Variants in ARR3 observed in about 807,000 individuals in gnomAD.
The protein encoded by ARR3 is arrestin-C.
A neutral mutation model predicts 35.4 loss-of-function variants in ARR3; 14 were observed. The ratio of observed to expected loss-of-function variants is 0.40; its 90% CI spans 0.26 to 0.62. The LOEUF (loss-of-function observed/expected upper bound fraction) is 0.62, where lower values mean the gene tolerates loss of function less well. Among genes scored for constraint, ARR3 ranks in the 20% least tolerant of loss-of-function variants. ARR3 has a pLI of 0.46. For missense variants in ARR3, 259 were observed against 303.8 expected (o/e 0.85, Z 1.10); for synonymous variants, 97 against 119.1 (o/e 0.81, Z 1.21).
intron 5 of ARR3, among the ~76,000 whole-genome samples, chrX:70,273,554 C>T (rs1178445015): frequency 8.9e-6 from 1 of 112,089 alleles, no homozygotes; most frequent in African/African-American, 3.2e-5. Flanking sequence ...CAGCTCCTCA[C>T]AACTGTCCTA....
At chrX:70,278,195 G>T in intron 11 of ARR3, 57 bp downstream of exon 11, 3 of 1,079,023 alleles carry the variant, frequency 2.8e-6, no homozygotes, top group Non-Finnish European at 3.8e-6. Context: ...GTGGGAAGAG[G>T]TCCAGGAGGC....
Position 70,276,151 on chromosome X carries a change from G to A in ARR3, c.215G>A (p.Arg72Gln), listed in dbSNP as rs778493881. 1.6e-5 allele frequency: 19 copies of A among 1,209,917 alleles called. No individual in the cohort carries two copies. In the Admixed American group the frequency reaches 3.3e-4, roughly 21 times the overall value. The change falls in exon 6 of 17, where the codon CGA becomes CAA. Residue 72 changes from arginine to glutamine, a missense_variant. Coordinates refer to ENST00000307959, the MANE Select transcript of ARR3 (RefSeq NM_004312.3). ...DDLEVIGLTF[R>Q]KDLYVQTLQV... is the part of the protein sequence containing the mutation. ...TTGGAAGTGATTGGTCTGACGTTCC[G>A]AAAAGATCTGTATGTGCAGACCCTG... is the stretch of plus-strand genomic sequence containing the variant.
Position 70,281,695 on chromosome X carries a change from G to A in ARR3, c.1096G>A (p.Glu366Lys), listed in dbSNP as rs760645362. The A allele has an allele frequency of 5.1e-6, 6 of 1,186,316 alleles. No individual in the cohort carries two copies. In the South Asian group the frequency reaches 9.3e-5, roughly 18 times the overall value. The change falls in exon 17 of 17, where the codon GAG (glutamate) becomes AAG (lysine). Residue 366 changes from glutamate (E) to lysine (K), a missense_variant. Glu to Lys is a moderately conservative substitution (Grantham distance 56). Coordinates refer to ENST00000307959, the MANE Select transcript of ARR3 (RefSeq NM_004312.3). ...TGCAAGCTCTGAGGACATAGTCATC[G>A]AGGAGTTTACGCGGAAAGGCGAGGA... ...EAASSEDIVI[E>K]EFTRKGEEES...
chrX:70,278,888 T>C (rs980748174), intron 12 of ARR3, among the ~76,000 whole-genome samples: 1 of 112,832 alleles, frequency 8.9e-6, no homozygotes, highest in Non-Finnish European at 1.9e-5. Context: ...ACAATCCTTA[T>C]GTTGTATAAG....
intron 2 of ARR3, 72 bp from the exon 3 acceptor site, chrX:70,269,590 C>T (rs2085621414): frequency 4.4e-6 from 5 of 1,128,828 alleles, no homozygotes; most frequent in Non-Finnish European, 6.0e-6. Flanking sequence ...TTTTTCTCCC[C>T]AATTCCCTTA....
intron 5 of ARR3, among the ~76,000 whole-genome samples, chrX:70,274,245 C>T (rs1329174680): frequency 5.7e-5 from 6 of 105,882 alleles, no homozygotes; most frequent in Admixed American, 2.0e-4. Flanking sequence ...TCTGTCACCC[C>T]CACTGGAGGG....
rs1240069398 is a variant in ARR3 at position 70,276,252 on chromosome X, G to A, written c.316G>A (p.Gly106Arg). ...ACAGGAGCGACTACTGCACAAGCTA[G>A]GGGACAATGCCTACCCCTTTACCCT... ...VLQERLLHKLGDNAYPFTLQM... is the reference protein window; with the variant it reads ...VLQERLLHKLRDNAYPFTLQM... Residue 106 changes from glycine (G) to arginine (R), a missense_variant, in exon 6 of 17, where the codon GGG (glycine) becomes AGG (arginine). Transcript: ENST00000307959. 2 of 1,211,749 alleles carry A rather than the reference G, an allele frequency of 1.7e-6. No homozygotes were observed. The highest frequency in any genetic ancestry group is 5.9e-5 in the East Asian group (2 of 33,832).
chrX:70,280,329 T>G (rs1447284314), intron 13 of ARR3, 51 bp downstream of exon 13: 1 of 1,119,585 alleles, frequency 8.9e-7, no homozygotes, highest in Non-Finnish European at 1.2e-6. Flanking sequence ...AGTCAAGGGC[T>G]TTTCGCCTCT....
rs181642194 is a variant in ARR3, at chrX:70,280,367, T to C, written c.989+89T>C. The C allele has an allele frequency of 7.9e-6, 8 of 1,013,991 alleles. No individual in the cohort carries two copies. The African/African-American group carries it at 1.1e-4, about 14-fold the overall frequency. 83.6% of individuals were successfully genotyped at this position (1,013,991 alleles called of 1,213,427 possible). A position where few individuals can be genotyped will look rare whatever the true frequency, so the allele number is the denominator to read the frequency against. ...TTTTCTCCCAGTTAGATTGACCCAA[T>C]CAAACCATTCCCCACCCTTTCTCCC... On this transcript the variant is annotated intron_variant, in intron 13 of 16. Transcript: ENST00000307959.
chrX:70,281,003 G>T, intron 15 of ARR3, 96 bp from the exon 16 acceptor site: 1 of 384,010 alleles, frequency 2.6e-6, no homozygotes, highest in Non-Finnish European at 3.4e-6. Flanking sequence ...TTGGGAAGTT[G>T]GGGGGGGGGG....
chrX:70,277,323 G>A (rs2085657412), intron 8 of ARR3, 71 bp from the exon 9 acceptor site: 1 of 1,157,351 alleles, frequency 8.6e-7, no homozygotes. Flanking sequence ...ATTGGACTAT[G>A]GGGGTGGCAT....
chrX:70,277,787 A>C lies in ARR3; in HGVS notation c.681A>C (p.Lys227Asn), dbSNP rs749770611. 2.5e-6 allele frequency: 3 copies of C among 1,206,462 alleles called. No homozygotes were observed. The South Asian group carries it at 5.3e-5, about 21-fold the overall frequency. ...INNCTNKVIK[K>N]IKISVDQITD... is the part of the protein sequence containing the mutation. ...ACTGCACCAACAAGGTCATCAAAAA[A>C]ATCAAGATTTCAGGTGAGTTTCTTT... Residue 227 changes from lysine to asparagine, a missense_variant, in exon 10 of 17, where the codon AAA becomes AAC. Coordinates refer to ENST00000307959, the MANE Select transcript of ARR3 (RefSeq NM_004312.3).
chrX:70,278,779 C>T, intron 12 of ARR3, 138 bp downstream of exon 12: 2 of 831,031 alleles, frequency 2.4e-6, no homozygotes, highest in Non-Finnish European at 3.3e-6. Context: ...TTCAGAGACT[C>T]CTCCAGGCCT....
rs11548182 is a variant in ARR3 at position 70,270,131 on chromosome X, A to C, written c.132A>C (p.Leu44Phe). 148 of 1,209,464 alleles carry C rather than the reference A, an allele frequency of 1.2e-4. No homozygotes were observed. Among genetic ancestry groups the C allele is most frequent in the Non-Finnish European group, 1.5e-4 (134 of 894,372 alleles). Residue 44 changes from leucine to phenylalanine, a missense_variant, in exon 5 of 17, where the codon TTA becomes TTC. By Grantham distance (22) the Leu-to-Phe change is conservative. Coordinates refer to ENST00000307959, the MANE Select transcript of ARR3 (RefSeq NM_004312.3). ...DGVVLVDPEY[L>F]KCRKLFVMLT... ...TTGTCCTGGTTGATCCTGAGTACTT[A>C]AAATGTCGAAAGTGTAAGTGGAAAT... is the stretch of plus-strand genomic sequence containing the variant.
At chrX:70,276,405 C>A (rs374500299) in intron 6 of ARR3, 28 bp from the exon 7 acceptor site, 1 of 1,205,301 alleles carries the variant, frequency 8.3e-7, no homozygotes, top group Non-Finnish European at 1.1e-6. Context: ...TTTTCTACTT[C>A]TTTTCTGATC....
At chrX:70,276,397 T>G (rs752238196) in intron 6 of ARR3, 36 bp from the exon 7 acceptor site, 2 of 1,202,885 alleles carry the variant, frequency 1.7e-6, no homozygotes, top group Non-Finnish European at 1.1e-6. Flanking sequence ...TTGTATTCTT[T>G]TCTACTTCTT....
Position 70,281,742 on chromosome X carries a change from G to A in ARR3, c.1143G>A (p.Glu381=). The A allele has an allele frequency of 8.5e-7, 1 of 1,182,714 alleles. No individual in the cohort carries two copies. Residue 381 remains glutamate (E), a synonymous_variant, in exon 17 of 17, where the codon GAG becomes GAA. Coordinates refer to ENST00000307959, the MANE Select transcript of ARR3 (RefSeq NM_004312.3). ...KGEEESQKAV[E]AEGDEGS is the part of the protein sequence containing the mutation. ...AGGAGGAGAGCCAGAAGGCTGTGGA[G>A]GCTGAGGGAGATGAGGGGAGCTGAG...
At chrX:70,274,367 AAT>A (rs1240714216) in intron 5 of ARR3, among the ~76,000 whole-genome samples, 1 of 110,101 alleles carries the variant, frequency 9.1e-6, no homozygotes, top group African/African-American at 3.3e-5. Context: ...ATGCCCAGCT[AAT>A]TTTTGTATTT....
chrX:70,274,199 C>CTT (rs200481457), intron 5 of ARR3, among the ~76,000 whole-genome samples: 11 of 90,786 alleles, frequency 1.2e-4, no homozygotes, highest in Admixed American at 2.4e-4. Flanking sequence ...TGTTCAGTAG[C>CTT]TTTTTTTTTT....
Sources: gnomAD v4.1 joint callset for allele counts (sites outside exome capture counted in the v4.1 genomes callset) on GRCh38, gnomAD v4.1.1 for gene constraint, MANE v1.5 for transcripts, NCBI Gene and HGNC (gene_info 2026-07-23, HGNC 2026-07-21) for gene names.